TIMD4: variants seen among roughly 807,000 people sequenced by gnomAD.
TIMD4 encodes T cell immunoglobulin and mucin domain containing 4.
Under a neutral mutation model 41.2 loss-of-function variants are expected in TIMD4, and 31 were observed. The observed-to-expected ratio is 0.75, with a 90% confidence interval of 0.57 to 1.01. TIMD4 has a LOEUF of 1.01. TIMD4 is among the 50% of genes least tolerant of loss of function. The probability of loss-of-function intolerance (pLI) is 0.00; values close to 1 mark genes in which losing one functional copy is unlikely to be tolerated. For synonymous variants in TIMD4, 204 were observed against 177.1 expected (o/e 1.15, Z -1.21); for missense variants, 479 against 472.5 (o/e 1.01, Z -0.13).
At chr5:156,922,582 G>A (rs937511735) in intron 6 of TIMD4, among the ~76,000 whole-genome samples, 2 of 152,202 alleles carry the variant, frequency 1.3e-5, no homozygotes, top group Non-Finnish European at 2.9e-5. Context: ...GGATGAAAGA[G>A]AAAATGAAAC....
chr5:156,943,947 T>C (rs1289295197), intron 5 of TIMD4, among the ~76,000 whole-genome samples: 1 of 151,030 alleles, frequency 6.6e-6, no homozygotes, highest in Non-Finnish European at 1.5e-5. Context: ...GTAGTCCCAG[T>C]TACTCAGGAG....
rs538328644 is a variant in TIMD4, at chr5:156,939,969, T to A, written c.844+8447A>T. ...TGAACCCTCTCCCTCTGCCTCTCCGTCGTCTCCGTCTCCCGCTTTCCACGG... is the reference window on the plus strand; with the variant it reads ...TGAACCCTCTCCCTCTGCCTCTCCGACGTCTCCGTCTCCCGCTTTCCACGG... On this transcript the variant is annotated intron_variant, in intron 5 of 8. Coordinates refer to ENST00000274532, the MANE Select transcript of TIMD4 (RefSeq NM_138379.3). Among the ~76,000 whole-genome samples, 11 of 152,314 alleles carry A rather than the reference T, an allele frequency of 7.2e-5. No individual in the cohort carries two copies. In the South Asian group the frequency reaches 1.5e-3, roughly 20 times the overall value.
At chr5:156,920,436 C>T (rs1025201525) in intron 8 of TIMD4, 28 bp downstream of exon 8, 2 of 1,612,590 alleles carry the variant, frequency 1.2e-6, no homozygotes, top group Non-Finnish European at 8.5e-7. Flanking sequence ...ACAATCATTA[C>T]AACACCCATT....
chr5:156,936,659 G>A lies in TIMD4; in HGVS notation c.845-10347C>T, dbSNP rs150641705. On this transcript the variant is annotated intron_variant, in intron 5 of 8. Transcript: ENST00000274532. Reference sequence around the variant, plus strand: ...ACAATGGGAAGAGTGGCTCACGCCTGTAATCCCAGCAGTTTGGGAGGCCGA... The same window carrying A: ...ACAATGGGAAGAGTGGCTCACGCCTATAATCCCAGCAGTTTGGGAGGCCGA... 1.9e-3 allele frequency among the ~76,000 whole-genome samples: 289 copies of A among 152,032 alleles called. 1 individual carries two copies. Among genetic ancestry groups the A allele is most frequent in the Middle Eastern group, 3.4e-3 (1 of 294 alleles).
chr5:156,951,775 T>G lies in TIMD4; in HGVS notation c.416A>C (p.His139Pro), dbSNP rs569480446. Residue 139 changes from histidine (H) to proline (P), a missense_variant, in exon 3 of 9, where the codon CAC becomes CCC. Physicochemically the swap from His to Pro is moderately conservative, Grantham distance 77 (BLOSUM62 -2). Transcript: ENST00000274532. ...LNLQRASTTT[H>P]RTATTTTRRT... ...GCGTGTGGTGGTGGTTGCTGTTCTG[T>G]GCGTGGTTGTTGAGGCTGTAACCAA... is the stretch of plus-strand genomic sequence containing the variant. 2 of 1,614,056 alleles carry G rather than the reference T, an allele frequency of 1.2e-6. No individual in the cohort carries two copies. The highest frequency in any genetic ancestry group is 2.7e-5 in the African/African-American group (2 of 74,992).
At chr5:156,957,512 C>CTAAAAAAAAAA in intron 1 of TIMD4, among the ~76,000 whole-genome samples, 1 of 113,846 alleles carries the variant, frequency 8.8e-6, no homozygotes, top group African/African-American at 3.5e-5. Flanking sequence ...GAGTCTATCT[C>CTAAAAAAAAAA]AAAAAAAAAA....
At chr5:156,930,295 A>G (rs1452881301) in intron 5 of TIMD4, among the ~76,000 whole-genome samples, 1 of 152,154 alleles carries the variant, frequency 6.6e-6, no homozygotes, top group African/African-American at 2.4e-5. Flanking sequence ...AAGCAACCCT[A>G]TGAGACAGAC....
At chr5:156,933,464 C>A (rs996434888) in intron 5 of TIMD4, among the ~76,000 whole-genome samples, 2 of 151,130 alleles carry the variant, frequency 1.3e-5, no homozygotes, top group African/African-American at 4.9e-5. Flanking sequence ...CCAACCCCCC[C>A]CCAAAAAAAG....
intron 5 of TIMD4, among the ~76,000 whole-genome samples, chr5:156,946,699 A>G (rs1759750657): frequency 6.7e-6 from 1 of 149,604 alleles, no homozygotes. Flanking sequence ...GTTAGACAGG[A>G]TGGTCTTGAT....
chr5:156,939,178 G>A (rs1463407143), intron 5 of TIMD4, among the ~76,000 whole-genome samples: 2 of 152,172 alleles, frequency 1.3e-5, no homozygotes, highest in African/African-American at 2.4e-5. Context: ...AAGAGCTCAG[G>A]TTCAAGCACC....
intron 1 of TIMD4, among the ~76,000 whole-genome samples, chr5:156,958,350 AAAGGAAAGGAAAG>A (rs1561556038): frequency 2.8e-5 from 4 of 143,874 alleles, no homozygotes; most frequent in Non-Finnish European, 4.5e-5. Flanking sequence ...AAAGGAAAGG[AAAGGAAAGGAAAG>A]GAAAGGAAAG....
chr5:156,944,936 G>A (rs948753113), intron 5 of TIMD4, among the ~76,000 whole-genome samples: 1 of 152,114 alleles, frequency 6.6e-6, no homozygotes, highest in African/African-American at 2.4e-5. Context: ...TGCTACCCTG[G>A]GTCATGCTAA....
chr5:156,956,945 C>T lies in TIMD4; in HGVS notation c.59-2189G>A, dbSNP rs1759982473. 2.6e-5 allele frequency among the ~76,000 whole-genome samples: 4 copies of T among 152,314 alleles called. No homozygotes were observed. The South Asian group carries it at 8.3e-4, about 32-fold the overall frequency. On this transcript the variant is annotated intron_variant, in intron 1 of 8. Transcript: ENST00000274532. ...CAGCTGGCAGTAACATCCAGGCATT[C>T]CTCTCTCTAGGAGAAGGTGGACATG...
intron 6 of TIMD4, chr5:156,924,556 C>T: frequency 2.9e-6 from 1 of 342,434 alleles, no homozygotes; most frequent in South Asian, 2.9e-5. Context: ...GGATTAGCAG[C>T]CTCTATCCAT....
intron 5 of TIMD4, among the ~76,000 whole-genome samples, chr5:156,937,347 AC>A (rs1433341317): frequency 6.6e-6 from 1 of 152,038 alleles, no homozygotes; most frequent in Non-Finnish European, 1.5e-5. Flanking sequence ...GGGCGTTTGT[AC>A]CTTTATTTAT....
intron 5 of TIMD4, among the ~76,000 whole-genome samples, chr5:156,939,622 T>C (rs1759603020): frequency 6.6e-6 from 1 of 152,172 alleles, no homozygotes; most frequent in Admixed American, 6.5e-5. Flanking sequence ...ACTCAAGATC[T>C]CACACACAAA....
At chr5:156,942,641 G>A (rs1759669558) in intron 5 of TIMD4, among the ~76,000 whole-genome samples, 1 of 152,188 alleles carries the variant, frequency 6.6e-6, no homozygotes, top group Admixed American at 6.5e-5. Flanking sequence ...GGGCTTCTTT[G>A]GTTGATATCT....
At chr5:156,962,385 T>G (rs1753083325) in intron 1 of TIMD4, among the ~76,000 whole-genome samples, 1 of 144,280 alleles carries the variant, frequency 6.9e-6, no homozygotes, top group African/African-American at 2.5e-5. Flanking sequence ...CCCATAAATA[T>G]GTATAGTTAT....
At chr5:156,957,368 C>T (rs1168767728) in intron 1 of TIMD4, among the ~76,000 whole-genome samples, 1 of 151,954 alleles carries the variant, frequency 6.6e-6, no homozygotes, top group Non-Finnish European at 1.5e-5. Flanking sequence ...CAAAAATTAG[C>T]TGGGCATGAT....
Sources: gnomAD v4.1 joint callset for allele counts (sites outside exome capture counted in the v4.1 genomes callset) on GRCh38, gnomAD v4.1.1 for gene constraint, MANE v1.5 for transcripts, NCBI Gene and HGNC (gene_info 2026-07-23, HGNC 2026-07-21) for gene names.